The following UNC13C variants were observed in gnomAD, a reference collection of about 807,000 sequenced individuals.
UNC13C encodes the protein protein unc-13 homolog C.
Under a neutral mutation model 245.4 loss-of-function variants are expected in UNC13C, and 174 were observed. That is an observed-to-expected ratio of 0.71 (90% CI 0.63 to 0.80). The LOEUF is 0.80. UNC13C is among the 30% of genes least tolerant of loss of function. The probability of loss-of-function intolerance (pLI) is 0.00; values close to 1 mark genes in which losing one functional copy is unlikely to be tolerated. For synonymous variants in UNC13C, 992 were observed against 895.1 expected (o/e 1.11, Z -1.93); for missense variants, 2,829 against 2,602.9 (o/e 1.09, Z -1.89).
At chr15:53,911,026 G>A in the UNC13C span, 1 of 152,258 alleles carries the variant, frequency 6.6e-6, no homozygotes, top group Non-Finnish European at 1.5e-5. Context: ...GTGGAAACGC[G>A]GGAGGCAGTG....
rs115815238 is a variant in UNC13C at position 54,024,467 on chromosome 15, T to C, written c.2983+8581T>C. ...ATTTGCAAGCAAAATGTTTTGATGC[T>C]GAGTCCAAGGGAGATGGACTCAAAT... On this transcript the variant is annotated intron_variant, in intron 2 of 32. Transcript: ENST00000260323. Among the ~76,000 whole-genome samples, 1,276 of 152,286 alleles carry C rather than the reference T, an allele frequency of 8.4e-3. 21 individuals carry two copies. Among genetic ancestry groups the C allele is most frequent in the African/African-American group, 0.03 (1,235 of 41,554 alleles).
chr15:54,406,528 C>T (rs570734522), intron 18 of UNC13C, among the ~76,000 whole-genome samples: 41 of 152,204 alleles, frequency 2.7e-4, no homozygotes, highest in African/African-American at 9.6e-4. Flanking sequence ...TGTCCTAAAT[C>T]CTGTCAGGAG....
chr15:54,621,192 G>A (rs190902223), intron 30 of UNC13C, among the ~76,000 whole-genome samples: 7 of 151,988 alleles, frequency 4.6e-5, no homozygotes, highest in Non-Finnish European at 1.0e-4. Flanking sequence ...CTTTTGTTCC[G>A]GGCTTTCAGC....
At chr15:54,054,232 C>A (rs1461837791) in intron 2 of UNC13C, among the ~76,000 whole-genome samples, 4 of 152,152 alleles carry the variant, frequency 2.6e-5, no homozygotes, top group Non-Finnish European at 5.9e-5. Flanking sequence ...TAATTTATGC[C>A]TACCTATCAT....
chr15:54,081,323 T>C (rs1237313827), intron 2 of UNC13C, among the ~76,000 whole-genome samples: 1 of 152,140 alleles, frequency 6.6e-6, no homozygotes, highest in Non-Finnish European at 1.5e-5. Flanking sequence ...AAGAGTCCAA[T>C]TTAAGTCCTG....
chr15:54,505,881 A>G (rs1481839642), intron 22 of UNC13C, among the ~76,000 whole-genome samples: 1 of 151,638 alleles, frequency 6.6e-6, no homozygotes, highest in African/African-American at 2.4e-5. Flanking sequence ...TACGTGTGAG[A>G]TCCCAGGATT....
intron 25 of UNC13C, among the ~76,000 whole-genome samples, chr15:54,531,811 A>G (rs1895752416): frequency 6.6e-6 from 1 of 152,238 alleles, no homozygotes; most frequent in South Asian, 2.1e-4. Context: ...GAAACCCTAT[A>G]CCCATTAGCA....
At chr15:53,846,791 T>C in the UNC13C span, among the ~76,000 whole-genome samples, 1 of 152,160 alleles carries the variant, frequency 6.6e-6, no homozygotes, top group East Asian at 1.9e-4. Context: ...AGGTAAGCCA[T>C]TTAATAATTC....
chr15:54,006,025 A>G (rs537938129), intron 1 of UNC13C, among the ~76,000 whole-genome samples: 16 of 152,196 alleles, frequency 1.1e-4, no homozygotes, highest in African/African-American at 3.9e-4. Flanking sequence ...AAATTATTAT[A>G]GTAAAATAAT....
intron 2 of UNC13C, among the ~76,000 whole-genome samples, chr15:54,064,077 T>C (rs1897964374): frequency 6.6e-6 from 1 of 152,068 alleles, no homozygotes; most frequent in Non-Finnish European, 1.5e-5. Context: ...CAATTTTTCT[T>C]CTTCTTTTTT....
chr15:54,013,899 A>T lies in UNC13C; in HGVS notation c.996A>T (p.Glu332Asp), dbSNP rs1181371668. 6.2e-7 allele frequency: 1 copy of T among 1,613,328 alleles called. No homozygotes were observed. Among genetic ancestry groups the T allele is most frequent in the Non-Finnish European group, 8.5e-7 (1 of 1,179,670 alleles). ...TAAATGTGACTGAAGAAAGATTTGA[A>T]TATGTTGAAAGCGTGGTGTACCAAA... Reference protein sequence around the residue: ...RFLNVTEERFEYVESVVYQIL... With the variant: ...RFLNVTEERFDYVESVVYQIL... Residue 332 changes from glutamate to aspartate, a missense_variant, in exon 2 of 33, where the codon GAA (glutamate) becomes GAT (aspartate). Transcript: ENST00000260323.
rs114777837 is a variant in UNC13C at position 54,601,885 on chromosome 15, T to C, written c.6107-20442T>C. ...GGTAAGGAAGTACTGGGGAAGAGCATGGCCTGGTCTCTGCAATCTGTCGTA... is the reference window on the plus strand; with the variant it reads ...GGTAAGGAAGTACTGGGGAAGAGCACGGCCTGGTCTCTGCAATCTGTCGTA... On this transcript the variant is annotated intron_variant, in intron 30 of 32. Coordinates refer to ENST00000260323, the MANE Select transcript of UNC13C (RefSeq NM_001080534.3). 2.0e-3 allele frequency among the ~76,000 whole-genome samples: 299 copies of C among 152,274 alleles called. 4 individuals are homozygous for C. Among genetic ancestry groups the C allele is most frequent in the African/African-American group, 6.9e-3 (286 of 41,558 alleles).
chr15:54,544,839 G>A (rs1896414796), intron 26 of UNC13C, among the ~76,000 whole-genome samples: 1 of 152,166 alleles, frequency 6.6e-6, no homozygotes, highest in Non-Finnish European at 1.5e-5. Flanking sequence ...TCATGGATAG[G>A]AAGAATCAAT....
the UNC13C span, among the ~76,000 whole-genome samples, chr15:53,919,104 A>G: frequency 6.6e-6 from 1 of 152,098 alleles, no homozygotes; most frequent in Non-Finnish European, 1.5e-5. Context: ...GCAGACTCAC[A>G]TTTTCATAGT....
At chr15:54,225,026 T>C (rs2035336112) in intron 4 of UNC13C, among the ~76,000 whole-genome samples, 1 of 133,732 alleles carries the variant, frequency 7.5e-6, no homozygotes, top group African/African-American at 3.5e-5. Context: ...ACTTGTGTCT[T>C]CTTTTTTTTT....
rs1595676645 is a variant in UNC13C, at chr15:53,983,066, A to C, written c.-257+4139A>C. Among the ~76,000 whole-genome samples the C allele has an allele frequency of 2.0e-5, 3 of 152,232 alleles. No homozygotes were observed. In the South Asian group the frequency reaches 6.2e-4, roughly 32 times the overall value. On this transcript the variant is annotated intron_variant, in intron 1 of 32. Coordinates refer to ENST00000260323, the MANE Select transcript of UNC13C (RefSeq NM_001080534.3). ...AGGCAGAAGTATTGGCTTAATTATA[A>C]TCCATGGAACTGCACATTTTGTATA... is the stretch of plus-strand genomic sequence containing the variant.
At chr15:54,270,854 A>G (rs2140900495) in intron 10 of UNC13C, among the ~76,000 whole-genome samples, 1 of 152,178 alleles carries the variant, frequency 6.6e-6, no homozygotes, top group South Asian at 2.1e-4. Context: ...ACAAGCAGAA[A>G]TTGGGAAGTG....
At chr15:54,453,233 G>C (rs1038738913) in intron 19 of UNC13C, among the ~76,000 whole-genome samples, 5 of 152,132 alleles carry the variant, frequency 3.3e-5, no homozygotes, top group African/African-American at 1.2e-4. Flanking sequence ...AGACTGCTAG[G>C]GATCACTCAC....
chr15:54,452,239 C>A (rs1010458783), intron 19 of UNC13C, among the ~76,000 whole-genome samples: 2 of 152,150 alleles, frequency 1.3e-5, no homozygotes, highest in African/African-American at 4.8e-5. Context: ...AGGGCCAATT[C>A]TTGGGTCTCC....
Sources: allele counts gnomAD v4.1 joint callset (sites outside exome capture counted in the v4.1 genomes callset), GRCh38; gene constraint gnomAD v4.1.1; transcripts MANE v1.5; gene names NCBI Gene and HGNC (gene_info 2026-07-23, HGNC 2026-07-21).